Variants in WDFY4 observed in about 807,000 individuals in gnomAD.
The protein encoded by WDFY4 is WDFY family member 4.
WDFY4 carries 169 observed loss-of-function variants against 351.9 expected under a neutral mutation model. The observed-to-expected ratio is 0.48, with a 90% CI of 0.42 to 0.55. The LOEUF is 0.55. WDFY4 is among the 20% of genes least tolerant of loss of function. WDFY4 has a pLI of 0.00. For synonymous variants in WDFY4, 1,622 were observed against 1,574.6 expected (o/e 1.03, Z -0.71); for missense variants, 3,803 against 3,935.6 (o/e 0.97, Z 0.90).
chr10:48,946,132 G>T lies in WDFY4; in HGVS notation c.7842G>T (p.Arg2614Ser). 1 of 1,549,484 alleles carries T rather than the reference G, an allele frequency of 6.5e-7. No individual in the cohort carries two copies. The highest frequency in any genetic ancestry group is 8.7e-7 in the Non-Finnish European group (1 of 1,146,398). Residue 2614 changes from arginine (R) to serine (S), a missense_variant, in exon 50 of 62, where the codon AGG becomes AGT. By Grantham distance (110) the Arg-to-Ser change is moderately radical. This residue lies in a region of WDFY4 where 3,054 missense variants were observed against 3,148.6 expected (regional missense o/e 0.97). Transcript: ENST00000325239. ...AAAGGAAGCTGAAATTTATCCAGAGGTTTAAAGAAGTTGAGAAAACTGAAG... is the reference window on the plus strand; with the variant it reads ...AAAGGAAGCTGAAATTTATCCAGAGTTTTAAAGAAGTTGAGAAAACTGAAG... Reference protein sequence around the residue: ...TKERKLKFIQRFKEVEKTEGD... With the variant: ...TKERKLKFIQSFKEVEKTEGD...
chr10:48,838,300 C>A (rs999494452), intron 39 of WDFY4, among the ~76,000 whole-genome samples: 1 of 152,200 alleles, frequency 6.6e-6, no homozygotes, highest in African/African-American at 2.4e-5. Context: ...CAGTGCCCAC[C>A]ATTGGGCGCC....
chr10:48,802,665 G>T, intron 24 of WDFY4: 1 of 470,792 alleles, frequency 2.1e-6, no homozygotes, highest in Non-Finnish European at 4.4e-6. Context: ...AAAACAACCT[G>T]AGTGATCAAC....
intron 61 of WDFY4, 21 bp from the exon 62 acceptor site, chr10:48,982,488 T>A: frequency 6.7e-7 from 1 of 1,491,528 alleles, no homozygotes; most frequent in Non-Finnish European, 9.0e-7. Flanking sequence ...AACGTTCTTG[T>A]CTTTTCTTTC....
intron 13 of WDFY4, 107 bp from the exon 14 acceptor site, chr10:48,774,351 C>T (rs2065960558): frequency 8.7e-7 from 1 of 1,143,820 alleles, no homozygotes; most frequent in Non-Finnish European, 1.3e-6. Context: ...ATGGTGGGCG[C>T]AGTCTCCTTG....
intron 11 of WDFY4, among the ~76,000 whole-genome samples, chr10:48,742,330 C>G (rs147806137): frequency 6.6e-6 from 1 of 152,374 alleles, no homozygotes; most frequent in East Asian, 1.9e-4. Flanking sequence ...CTGACACACT[C>G]TTTTCACACC....
intron 57 of WDFY4, among the ~76,000 whole-genome samples, chr10:48,974,493 A>C: frequency 8.0e-6 from 1 of 125,462 alleles, no homozygotes; most frequent in African/African-American, 3.1e-5. Flanking sequence ...ACAGAGCAAG[A>C]CTCCGTCTCA....
At chr10:48,865,189 G>A (rs1048403665) in intron 39 of WDFY4, among the ~76,000 whole-genome samples, 2 of 152,208 alleles carry the variant, frequency 1.3e-5, no homozygotes, top group African/African-American at 4.8e-5. Context: ...GTTGTATAAT[G>A]TTGGCTGTGG....
chr10:48,752,463 C>T (rs571465021), intron 12 of WDFY4, among the ~76,000 whole-genome samples: 2 of 152,340 alleles, frequency 1.3e-5, no homozygotes, highest in South Asian at 4.1e-4. Flanking sequence ...TTAATGCATT[C>T]ACAGTGTTGT....
At chr10:48,706,082 A>C (rs2063618824) in intron 1 of WDFY4, among the ~76,000 whole-genome samples, 1 of 152,228 alleles carries the variant, frequency 6.6e-6, no homozygotes, top group Non-Finnish European at 1.5e-5. Flanking sequence ...GGGAAATCCT[A>C]GTAGAAATCT....
At chr10:48,889,852 G>T (rs536770963) in intron 43 of WDFY4, among the ~76,000 whole-genome samples, 13 of 152,222 alleles carry the variant, frequency 8.5e-5, no homozygotes, top group Admixed American at 8.5e-4. Flanking sequence ...GTTTGGGATG[G>T]TTGTTTAGAG....
At chr10:48,889,190 GT>G (rs2070587212) in intron 43 of WDFY4, among the ~76,000 whole-genome samples, 1 of 152,182 alleles carries the variant, frequency 6.6e-6, no homozygotes, top group Non-Finnish European at 1.5e-5. Flanking sequence ...CACCAACCTT[GT>G]TTACAGAAAC....
chr10:48,959,513 A>G (rs1351395759), intron 52 of WDFY4, among the ~76,000 whole-genome samples: 1 of 152,232 alleles, frequency 6.6e-6, no homozygotes, highest in African/African-American at 2.4e-5. Flanking sequence ...GGAAGCAAGG[A>G]GGGCCTCCTG....
chr10:48,883,610 C>A (rs1183050869), intron 43 of WDFY4, among the ~76,000 whole-genome samples: 1 of 152,170 alleles, frequency 6.6e-6, no homozygotes, highest in African/African-American at 2.4e-5. Context: ...ACAACAGAGT[C>A]CCCACTCCTC....
intron 49 of WDFY4, among the ~76,000 whole-genome samples, chr10:48,945,406 G>A (rs761862651): frequency 1.1e-4 from 16 of 152,036 alleles, no homozygotes; most frequent in Non-Finnish European, 1.8e-4. Context: ...AGATACACAG[G>A]TACCTCCTCC....
intron 39 of WDFY4, among the ~76,000 whole-genome samples, chr10:48,845,225 ACTCTATATCTGTGGC>A (rs1378808399): frequency 6.6e-6 from 1 of 151,800 alleles, no homozygotes; most frequent in Non-Finnish European, 1.5e-5. Context: ...GTTGTCTATA[ACTCTATATCTGTGGC>A]CTCTATATCT....
At chr10:48,862,220 G>A (rs940958284) in intron 39 of WDFY4, among the ~76,000 whole-genome samples, 4 of 152,310 alleles carry the variant, frequency 2.6e-5, no homozygotes, top group South Asian at 4.2e-4. Flanking sequence ...GATTCTTGAT[G>A]TGAGTCTATG....
At chr10:48,980,255 T>C (rs1200172404) in intron 60 of WDFY4, 1 of 151,846 alleles carries the variant, frequency 6.6e-6, no homozygotes, top group Non-Finnish European at 1.5e-5. Context: ...TTTACAAGCC[T>C]AAACTGCTGG....
intron 51 of WDFY4, among the ~76,000 whole-genome samples, chr10:48,949,704 C>T (rs1390118511): frequency 1.3e-5 from 2 of 152,156 alleles, no homozygotes; most frequent in Non-Finnish European, 2.9e-5. Flanking sequence ...ATGTAAGAGT[C>T]AGCATGGGAG....
chr10:48,906,006 G>T (rs1434309351), intron 47 of WDFY4, among the ~76,000 whole-genome samples: 1 of 152,182 alleles, frequency 6.6e-6, no homozygotes, highest in Non-Finnish European at 1.5e-5. Context: ...GGAAGGCAGT[G>T]GTGGCCCTCA....
Sources: gnomAD v4.1 joint callset for allele counts (sites outside exome capture counted in the v4.1 genomes callset) on GRCh38, gnomAD v4.1.1 for gene constraint, gnomAD v4.1.1 regional missense constraint, MANE v1.5 for transcripts, NCBI Gene and HGNC (gene_info 2026-07-23, HGNC 2026-07-21) for gene names.